VPS13B: variants seen among roughly 807,000 people sequenced by gnomAD.
The protein encoded by VPS13B is vacuolar protein sorting 13 homolog B, also known as intermembrane lipid transfer protein VPS13B.
A neutral mutation model predicts 426.4 loss-of-function variants in VPS13B; 285 were observed. That is an observed-to-expected ratio of 0.67 (90% CI 0.61 to 0.74). The LOEUF (loss-of-function observed/expected upper bound fraction) is 0.74. Among genes scored for constraint, VPS13B ranks in the 30% least tolerant of loss-of-function variants. The pLI is 0.00. For missense variants in VPS13B, 4,537 were observed against 4,782.6 expected, an observed-to-expected ratio of 0.95 and a Z score of 1.51; for synonymous variants, 1,676 against 1,676.4, an observed-to-expected ratio of 1.00 and a Z score of 0.01.
chr8:99,142,466 C>T (rs1810481619), intron 12 of VPS13B, among the ~76,000 whole-genome samples: 1 of 152,070 alleles, frequency 6.6e-6, no homozygotes. Flanking sequence ...TGGAACATCG[C>T]TATAATGAAT....
intron 6 of VPS13B, among the ~76,000 whole-genome samples, chr8:99,112,747 A>G (rs901194664): frequency 2.6e-5 from 4 of 152,136 alleles, no homozygotes; most frequent in African/African-American, 9.6e-5. Flanking sequence ...TATATAAAAT[A>G]CTCTTTTTGA....
intron 36 of VPS13B, among the ~76,000 whole-genome samples, chr8:99,704,804 A>G (rs1832429921): frequency 6.6e-6 from 1 of 152,158 alleles, no homozygotes; most frequent in Non-Finnish European, 1.5e-5. Context: ...TGGAGACCTC[A>G]TTGGGTCTGT....
At chr8:99,162,101 A>G (rs576745608) in intron 15 of VPS13B, among the ~76,000 whole-genome samples, 28 of 152,286 alleles carry the variant, frequency 1.8e-4, no homozygotes, top group African/African-American at 6.7e-4. Context: ...TCATTTTCAT[A>G]CTTCTACTGT....
intron 39 of VPS13B, among the ~76,000 whole-genome samples, chr8:99,752,512 A>G (rs189654189): frequency 1.3e-5 from 2 of 152,370 alleles, no homozygotes; most frequent in Admixed American, 1.3e-4. Context: ...TAGTTGCAAC[A>G]GAGACCACGT....
intron 3 of VPS13B, among the ~76,000 whole-genome samples, chr8:99,070,962 T>TA (rs1844822860): frequency 6.6e-6 from 1 of 152,144 alleles, no homozygotes; most frequent in Non-Finnish European, 1.5e-5. Flanking sequence ...TAATCTTTGT[T>TA]AAATTTATCT....
At chr8:99,112,778 G>T (rs1223580494) in intron 6 of VPS13B, among the ~76,000 whole-genome samples, 1 of 152,120 alleles carries the variant, frequency 6.6e-6, no homozygotes, top group Non-Finnish European at 1.5e-5. Context: ...AAATGTAATG[G>T]TCTATTCTAG....
chr8:99,632,891 G>T (rs908555907), intron 33 of VPS13B, among the ~76,000 whole-genome samples: 2 of 151,974 alleles, frequency 1.3e-5, no homozygotes, highest in African/African-American at 4.8e-5. Context: ...CATAAAATTA[G>T]TTAGGTAGTA....
chr8:99,043,302 G>C (rs561153245), intron 3 of VPS13B, among the ~76,000 whole-genome samples: 45 of 152,226 alleles, frequency 3.0e-4, no homozygotes, highest in African/African-American at 1.1e-3. Context: ...AATTTTAAGT[G>C]TGGATTATTA....
chr8:99,213,677 T>A (rs2132805956), intron 17 of VPS13B, among the ~76,000 whole-genome samples: 2 of 152,340 alleles, frequency 1.3e-5, no homozygotes, highest in Middle Eastern at 3.4e-3. Flanking sequence ...TTTGCACATT[T>A]ATTCAATGTT....
chr8:99,750,341 C>T (rs1197736844), intron 39 of VPS13B, among the ~76,000 whole-genome samples: 1 of 152,092 alleles, frequency 6.6e-6, no homozygotes, highest in East Asian at 1.9e-4. Context: ...AAAGTTGCCC[C>T]ACTTTGGGAC....
At chr8:99,017,317 AC>A (rs752185822) in intron 2 of VPS13B, among the ~76,000 whole-genome samples, 112 of 151,598 alleles carry the variant, frequency 7.4e-4, no homozygotes, top group Non-Finnish European at 1.3e-3. Context: ...TTGTTTCTGA[AC>A]TCTTTATTCT....
intron 35 of VPS13B, 101 bp downstream of exon 35, chr8:99,661,592 T>C (rs1331007408): frequency 7.0e-7 from 1 of 1,429,880 alleles, no homozygotes. Flanking sequence ...GTGCAAAAAA[T>C]GAATAGTTCA....
At chr8:99,601,364 G>A (rs1827292323) in intron 33 of VPS13B, among the ~76,000 whole-genome samples, 1 of 152,202 alleles carries the variant, frequency 6.6e-6, no homozygotes, top group African/African-American at 2.4e-5. Flanking sequence ...ATTCCATGGT[G>A]TATATGTGCC....
At chr8:99,544,151 A>T (rs1211953135) in intron 30 of VPS13B, among the ~76,000 whole-genome samples, 1 of 152,096 alleles carries the variant, frequency 6.6e-6, no homozygotes, top group African/African-American at 2.4e-5. Flanking sequence ...TGATGAGTTC[A>T]CGTCCTTTGT....
chr8:99,049,117 CTTTATCT>C (rs1843387146), intron 3 of VPS13B, among the ~76,000 whole-genome samples: 1 of 151,804 alleles, frequency 6.6e-6, no homozygotes, highest in South Asian at 2.1e-4. Flanking sequence ...TTCTGCAATT[CTTTATCT>C]TTTAAGTGGT....
intron 3 of VPS13B, chr8:99,091,646 C>T (rs957956306): frequency 6.6e-6 from 1 of 152,198 alleles, no homozygotes; most frequent in African/African-American, 2.4e-5. Context: ...TTCCCTGGCT[C>T]TCTCTTGTGC....
intron 19 of VPS13B, among the ~76,000 whole-genome samples, chr8:99,352,675 T>C (rs1319422622): frequency 6.6e-6 from 1 of 151,802 alleles, no homozygotes; most frequent in Admixed American, 6.6e-5. Flanking sequence ...AATACAAAAA[T>C]TAGCCGGACA....
At position 99,428,579 on chromosome 8, in the gene VPS13B, G is replaced by A. The variant is rs367953637; in HGVS notation, c.3083-2958G>A. ...CAGAGAAATGCAAATCAAAACCACA[G>A]TGAGATACCATCTCACACCAGTTAG... On this transcript the variant is annotated intron_variant, in intron 21 of 61. Coordinates refer to ENST00000357162, the MANE Select transcript of VPS13B (RefSeq NM_152564.5). 2.0e-4 allele frequency among the ~76,000 whole-genome samples: 31 copies of A among 152,238 alleles called. No homozygotes were observed. In the East Asian group the frequency reaches 2.1e-3, roughly 10 times the overall value.
chr8:99,149,420 C>A (rs532871184), intron 14 of VPS13B, among the ~76,000 whole-genome samples: 2 of 152,298 alleles, frequency 1.3e-5, no homozygotes, highest in East Asian at 3.9e-4. Context: ...TGGGTTCATG[C>A]AACTTTCCTG....
Sources: allele counts gnomAD v4.1 joint callset (sites outside exome capture counted in the v4.1 genomes callset), GRCh38; gene constraint gnomAD v4.1.1; transcripts MANE v1.5; gene names NCBI Gene and HGNC (gene_info 2026-07-23, HGNC 2026-07-21).